The following SPTLC3 variants were observed in gnomAD, a reference collection of about 807,000 sequenced individuals.
The protein encoded by SPTLC3 is serine palmitoyltransferase 3.
A neutral mutation model predicts 59.3 loss-of-function variants in SPTLC3; 36 were observed. The observed-to-expected ratio is 0.61, with a 90% CI of 0.47 to 0.80. The LOEUF (loss-of-function observed/expected upper bound fraction) is 0.80, where lower values mean the gene tolerates loss of function less well. Ranked by LOEUF, SPTLC3 falls within the 30% of genes least tolerant of loss-of-function variation. SPTLC3 has a pLI of 0.00. For synonymous variants in SPTLC3, 257 were observed against 240.8 expected (o/e 1.07, Z -0.62); for missense variants, 625 against 685.1 (o/e 0.91, Z 0.98).
intron 1 of SPTLC3, among the ~76,000 whole-genome samples, chr20:13,031,284 C>T (rs1225611764): frequency 1.3e-5 from 2 of 152,108 alleles, no homozygotes; most frequent in Admixed American, 6.6e-5. Flanking sequence ...CTAGTGCAAT[C>T]GAAGATCTCA....
intron 1 of SPTLC3, among the ~76,000 whole-genome samples, chr20:13,045,235 A>T (rs908172105): frequency 6.6e-6 from 1 of 152,152 alleles, no homozygotes. Context: ...AAACCCCAGG[A>T]TGTCACATCA....
Position 13,074,008 on chromosome 20 carries a change from C to T in SPTLC3, c.459-341C>T, listed in dbSNP as rs1600253461. ...ATGACCAATGAATATCGGAGATAGT[C>T]CTGTCTCCATCCAGTCAAGCTCTGG... On this transcript the variant is annotated intron_variant, in intron 3 of 11. Transcript: ENST00000399002. 19 of 623,380 alleles carry T rather than the reference C, an allele frequency of 3.0e-5. 1 individual carries two copies. Among genetic ancestry groups the T allele is most frequent in the South Asian group, 2.5e-4 (18 of 71,934 alleles). 38.6% of individuals were successfully genotyped at this position (623,380 alleles called of 1,614,324 possible). A position where few individuals can be genotyped will look rare whatever the true frequency, so the allele number is the denominator to read the frequency against.
In SPTLC3 at chr20:13,160,142, C is replaced by T. The variant is rs558302044; in HGVS notation, c.1545+10C>T. On this transcript the variant is annotated intron_variant, in intron 11 of 11. Coordinates refer to ENST00000399002, the MANE Select transcript of SPTLC3 (RefSeq NM_018327.4). The stretch of plus-strand genomic sequence containing the variant: ...GGAGATGTTAGACACGGTGAGTACA[C>T]CACAGGCCAACGGGATCTCAGTACC... The T allele has an allele frequency of 2.5e-6, 4 of 1,612,530 alleles. No homozygotes were observed. In the South Asian group the frequency reaches 4.4e-5, roughly 18 times the overall value.
chr20:13,091,318 T>TA (rs1447816142), intron 5 of SPTLC3, 111 bp downstream of exon 5: 2 of 1,383,326 alleles, frequency 1.4e-6, no homozygotes, highest in South Asian at 2.8e-5. Context: ...TTCACGCCTG[T>TA]AATCCTAGCA....
At chr20:13,045,674 G>T (rs1987201598) in intron 1 of SPTLC3, among the ~76,000 whole-genome samples, 1 of 152,116 alleles carries the variant, frequency 6.6e-6, no homozygotes, top group South Asian at 2.1e-4. Context: ...GAGGAAAATA[G>T]ATCCTGGTTT....
intron 1 of SPTLC3, among the ~76,000 whole-genome samples, chr20:13,036,582 G>A (rs1417461319): frequency 6.6e-6 from 1 of 152,038 alleles, no homozygotes; most frequent in Non-Finnish European, 1.5e-5. Flanking sequence ...CCCATCAACA[G>A]TAGGCTATTA....
rs906019661 is a variant in SPTLC3 at position 13,152,343 on chromosome 20, G to A, written c.1280-1660G>A. 4.6e-5 allele frequency among the ~76,000 whole-genome samples: 7 copies of A among 152,144 alleles called. No homozygotes were observed. In the South Asian group the frequency reaches 6.2e-4, roughly 14 times the overall value. On this transcript the variant is annotated intron_variant, in intron 9 of 11. Transcript: ENST00000399002. ...TCGTTATTACTATTGTCCTTTAGAG[G>A]CTACCTGATCCAATTAGTAGCCACC...
At chr20:13,065,633 A>G (rs1443050170) in intron 2 of SPTLC3, among the ~76,000 whole-genome samples, 1 of 151,950 alleles carries the variant, frequency 6.6e-6, no homozygotes, top group African/African-American at 2.4e-5. Flanking sequence ...CTGTAATTAC[A>G]TATTTATACT....
At position 13,093,582 on chromosome 20, in the gene SPTLC3, G is replaced by A. The variant is rs1365008471; in HGVS notation, c.826+5G>A. 5.6e-6 allele frequency: 9 copies of A among 1,612,132 alleles called. No homozygotes were observed. The highest frequency in any genetic ancestry group is 7.6e-6 in the Non-Finnish European group (9 of 1,178,458). ...TAAGAATCTTCAAACACAACAGTGA[G>A]TATCAGTGTATTTTCTCAACATGTA... On this transcript the variant is annotated splice_donor_5th_base_variant and intron_variant, in intron 6 of 11. Transcript: ENST00000399002.
At chr20:13,043,635 C>A (rs775891359) in intron 1 of SPTLC3, among the ~76,000 whole-genome samples, 1 of 152,178 alleles carries the variant, frequency 6.6e-6, no homozygotes, top group Non-Finnish European at 1.5e-5. Flanking sequence ...GGGTCGTGTT[C>A]CAGGAATTAT....
At chr20:13,011,956 C>G (rs1197141183) in intron 1 of SPTLC3, among the ~76,000 whole-genome samples, 4 of 152,072 alleles carry the variant, frequency 2.6e-5, no homozygotes, top group Non-Finnish European at 5.9e-5. Context: ...CTTGATATTT[C>G]TTATAATTTT....
chr20:13,058,317 C>T (rs558759298), intron 2 of SPTLC3, among the ~76,000 whole-genome samples: 3 of 152,310 alleles, frequency 2.0e-5, no homozygotes, highest in Non-Finnish European at 4.4e-5. Flanking sequence ...GAGATATGGT[C>T]TTGTCCAAAA....
intron 9 of SPTLC3, among the ~76,000 whole-genome samples, chr20:13,134,763 CA>C (rs5840554): frequency 1.4e-5 from 2 of 144,934 alleles, no homozygotes; most frequent in Non-Finnish European, 3.0e-5. Flanking sequence ...AAGGACCTAG[CA>C]AAAAAAAAGA....
In SPTLC3 at chr20:13,117,596, T is replaced by TGG; in HGVS notation, c.1026_1027dup (p.Ala343GlyfsTer16). On this transcript the variant is annotated frameshift_variant, in exon 8 of 12. Coordinates refer to ENST00000399002, the MANE Select transcript of SPTLC3 (RefSeq NM_018327.4). LOFTEE classifies it high-confidence loss of function. ...TCTACATAGATGAAGCTCACAGTAT[T>TGG]GGGGCCGTGGGCCCAACCGGCCGGG... The TGG allele has an allele frequency of 1.2e-6, 2 of 1,605,146 alleles. No homozygotes were observed. Among genetic ancestry groups the TGG allele is most frequent in the Non-Finnish European group, 1.7e-6 (2 of 1,175,098 alleles).
chr20:13,102,545 T>C (rs928344078), intron 6 of SPTLC3, among the ~76,000 whole-genome samples: 1 of 152,176 alleles, frequency 6.6e-6, no homozygotes, highest in Non-Finnish European at 1.5e-5. Flanking sequence ...TTCTACCCTC[T>C]GTTTGCCCCT....
At chr20:13,021,700 G>C (rs915325833) in intron 1 of SPTLC3, among the ~76,000 whole-genome samples, 6 of 152,136 alleles carry the variant, frequency 3.9e-5, no homozygotes, top group African/African-American at 1.4e-4. Flanking sequence ...AGCAGTAGGA[G>C]CCCAGTGTGT....
At chr20:13,148,978 C>T (rs2038581519) in intron 9 of SPTLC3, among the ~76,000 whole-genome samples, 1 of 152,190 alleles carries the variant, frequency 6.6e-6, no homozygotes. Flanking sequence ...ATAAGCTTAT[C>T]TCTAATTTAC....
At position 13,087,616 on chromosome 20, in the gene SPTLC3, C is replaced by T. The variant is rs73610450; in HGVS notation, c.608-3467C>T. 6.4e-4 allele frequency among the ~76,000 whole-genome samples: 98 copies of T among 152,242 alleles called. No individual in the cohort carries two copies. In the East Asian group the frequency reaches 0.013, roughly 20 times the overall value. ...AACTCTACAAGTACCTACTATGTGT[C>T]GGCACTGTGGCAGACACTGTGGTTG... is the stretch of plus-strand genomic sequence containing the variant. On this transcript the variant is annotated intron_variant, in intron 4 of 11. Coordinates refer to ENST00000399002, the MANE Select transcript of SPTLC3 (RefSeq NM_018327.4).
At chr20:13,078,724 A>G (rs1600257924) in intron 4 of SPTLC3, among the ~76,000 whole-genome samples, 1 of 151,164 alleles carries the variant, frequency 6.6e-6, no homozygotes, top group Middle Eastern at 3.2e-3. Context: ...AGATGAGTTT[A>G]TTGTTCACCT....
Sources: gnomAD v4.1 joint callset for allele counts (sites outside exome capture counted in the v4.1 genomes callset) on GRCh38, gnomAD v4.1.1 for gene constraint, MANE v1.5 for transcripts, NCBI Gene and HGNC (gene_info 2026-07-23, HGNC 2026-07-21) for gene names.